The following DCLK1 variants were observed in gnomAD, a reference collection of about 807,000 sequenced individuals.
The protein encoded by DCLK1 is doublecortin like kinase 1.
In DCLK1, 16 loss-of-function variants were observed where a neutral mutation model predicts 86.2. The ratio of observed to expected loss-of-function variants is 0.19; its 90% CI spans 0.13 to 0.28. DCLK1 has a LOEUF of 0.28. Ranked by LOEUF, DCLK1 falls within the 10% of genes least tolerant of loss-of-function variation. The pLI is 1.00. For missense variants in DCLK1, 590 were observed against 940.2 expected, an observed-to-expected ratio of 0.63 and a Z score of 4.87; for synonymous variants, 369 against 370.5, an observed-to-expected ratio of 1.00 and a Z score of 0.05.
chr13:35,890,267 A>G (rs1169812476), intron 4 of DCLK1, among the ~76,000 whole-genome samples: 1 of 152,166 alleles, frequency 6.6e-6, no homozygotes, highest in Admixed American at 6.6e-5. Context: ...ATATATAAGC[A>G]TTATAAAAAT....
At chr13:35,996,179 T>C (rs1407540162) in intron 3 of DCLK1, among the ~76,000 whole-genome samples, 1 of 152,182 alleles carries the variant, frequency 6.6e-6, no homozygotes, top group Non-Finnish European at 1.5e-5. Context: ...TCTACCCGCC[T>C]CGGCCTCCCA....
chr13:35,808,997 A>G, intron 13 of DCLK1, 21 bp downstream of exon 13: 1 of 1,607,430 alleles, frequency 6.2e-7, no homozygotes, highest in African/African-American at 1.3e-5. Context: ...TCGGCGCTGA[A>G]TAAAAGATTG....
chr13:35,798,259 A>G (rs1056544360), intron 15 of DCLK1, among the ~76,000 whole-genome samples: 2 of 152,170 alleles, frequency 1.3e-5, no homozygotes, highest in African/African-American at 2.4e-5. Flanking sequence ...GTCACTCTGT[A>G]GTGTAGAATT....
Position 35,968,089 on chromosome 13 carries a change from T to C in DCLK1, c.724-20632A>G, listed in dbSNP as rs542126852. Among the ~76,000 whole-genome samples the C allele has an allele frequency of 1.1e-4, 16 of 152,024 alleles. No homozygotes were observed. The South Asian group carries it at 2.1e-3, about 20-fold the overall frequency. The stretch of plus-strand genomic sequence containing the variant: ...GAAAATTCTGACACATGCTACAAGA[T>C]GGATGAATCCTGAGGTCATTATGCT... On this transcript the variant is annotated intron_variant, in intron 3 of 16. Transcript: ENST00000360631.
intron 3 of DCLK1, among the ~76,000 whole-genome samples, chr13:35,980,410 G>A (rs962616285): frequency 7.9e-5 from 12 of 152,100 alleles, no homozygotes; most frequent in African/African-American, 1.2e-4. Flanking sequence ...AGCAGAGATC[G>A]ACCACTGCAC....
chr13:35,881,962 A>G (rs929109838), intron 4 of DCLK1, among the ~76,000 whole-genome samples: 1 of 152,230 alleles, frequency 6.6e-6, no homozygotes, highest in African/African-American at 2.4e-5. Context: ...AATGGTGCAC[A>G]TCTGAATTTT....
intron 16 of DCLK1, among the ~76,000 whole-genome samples, chr13:35,789,310 T>TA (rs577654230): frequency 9.2e-5 from 14 of 152,316 alleles, no homozygotes; most frequent in Non-Finnish European, 1.5e-4. Context: ...GCATTTAAAC[T>TA]AAAAACTGCT....
At chr13:36,070,045 G>A (rs1052646290) in intron 3 of DCLK1, among the ~76,000 whole-genome samples, 23 of 152,060 alleles carry the variant, frequency 1.5e-4, no homozygotes, top group Non-Finnish European at 3.1e-4. Flanking sequence ...GATGCAAGAG[G>A]CTTGTGTTAT....
In DCLK1 at chr13:36,044,706, C is replaced by T. The variant is rs543701606; in HGVS notation, c.723+67163G>A. Among the ~76,000 whole-genome samples, 4 of 152,042 alleles carry T rather than the reference C, an allele frequency of 2.6e-5. 1 individual carries two copies. The South Asian group carries it at 8.3e-4, about 32-fold the overall frequency. ...AATAAAATGTAAACACTACTGACTA[C>T]TAAAAATTCGTGATATGGATGCAGG... On this transcript the variant is annotated intron_variant, in intron 3 of 16. Transcript: ENST00000360631.
chr13:35,837,887 A>C (rs1206556828), intron 7 of DCLK1, among the ~76,000 whole-genome samples: 1 of 151,912 alleles, frequency 6.6e-6, no homozygotes, highest in Non-Finnish European at 1.5e-5. Flanking sequence ...CCAAGATGGA[A>C]AAATCCCATT....
intron 5 of DCLK1, among the ~76,000 whole-genome samples, chr13:35,862,032 CAAAAAAAAAAAAA>C (rs36091477): frequency 2.8e-5 from 2 of 71,138 alleles, no homozygotes; most frequent in East Asian, 4.7e-4. Flanking sequence ...GACTCCGTCT[CAAAAAAAAAAAAA>C]AAAAAAAAAA....
intron 5 of DCLK1, chr13:35,855,373 T>A: frequency 1.4e-6 from 1 of 707,602 alleles, no homozygotes; most frequent in Non-Finnish European, 2.4e-6. Flanking sequence ...ATGTATCAGG[T>A]CACCTCTATT....
At chr13:35,921,604 G>A (rs9531216) in intron 4 of DCLK1, among the ~76,000 whole-genome samples, 21,587 of 152,114 alleles carry the variant, frequency 0.14, 1,959 homozygotes, top group East Asian at 0.23. Flanking sequence ...GAGACCTTAA[G>A]GTTCCATGAG....
chr13:36,087,434 C>T (rs1002320649), intron 3 of DCLK1, among the ~76,000 whole-genome samples: 3 of 152,144 alleles, frequency 2.0e-5, no homozygotes, highest in African/African-American at 4.8e-5. Context: ...GTGATCTTTT[C>T]GCTTATGTTG....
chr13:36,110,827 A>ATTTTTTT (rs869131031), intron 3 of DCLK1, among the ~76,000 whole-genome samples: 1 of 120,172 alleles, frequency 8.3e-6, no homozygotes, highest in African/African-American at 3.2e-5. Context: ...CATATAATCA[A>ATTTTTTT]TTTTTTTTTT....
chr13:35,784,882 A>T (rs2086591437), intron 16 of DCLK1, among the ~76,000 whole-genome samples: 1 of 152,134 alleles, frequency 6.6e-6, no homozygotes, highest in Non-Finnish European at 1.5e-5. Flanking sequence ...CACCACACGG[A>T]GGTTCCTCCC....
chr13:35,919,507 G>T (rs1443064768), intron 4 of DCLK1, among the ~76,000 whole-genome samples: 3 of 152,150 alleles, frequency 2.0e-5, no homozygotes, highest in African/African-American at 7.2e-5. Flanking sequence ...CTGAAGGAGA[G>T]GGTTTTTATT....
intron 16 of DCLK1, among the ~76,000 whole-genome samples, chr13:35,775,290 T>C (rs922992085): frequency 6.6e-6 from 1 of 152,208 alleles, no homozygotes; most frequent in Non-Finnish European, 1.5e-5. Flanking sequence ...TGCCTGAAAT[T>C]GAACACTGCT....
chr13:35,872,713 T>G (rs1293923545), intron 4 of DCLK1, among the ~76,000 whole-genome samples: 1 of 146,454 alleles, frequency 6.8e-6, no homozygotes, highest in Non-Finnish European at 1.5e-5. Context: ...CAATAGCTAT[T>G]TGTTCTTTCC....
Sources: allele counts gnomAD v4.1 joint callset (sites outside exome capture counted in the v4.1 genomes callset), GRCh38; gene constraint gnomAD v4.1.1; transcripts MANE v1.5; gene names NCBI Gene and HGNC (gene_info 2026-07-23, HGNC 2026-07-21).